LRP4: variants seen among roughly 807,000 people sequenced by gnomAD.
LRP4 encodes low-density lipoprotein receptor-related protein 4.
LRP4 carries 95 observed loss-of-function variants against 220.3 expected under a neutral mutation model. The observed-to-expected ratio is 0.43, with a 90% CI of 0.37 to 0.51. The LOEUF is 0.51. LRP4 is among the 20% of genes least tolerant of loss of function. The pLI is 0.00. For missense variants in LRP4, 1,925 were observed against 2,567.0 expected (o/e 0.75, Z 5.40); for synonymous variants, 903 against 954.6 (o/e 0.95, Z 1.00).
At chr11:46,866,125 G>A (rs1237460401) in intron 34 of LRP4, among the ~76,000 whole-genome samples, 1 of 149,688 alleles carries the variant, frequency 6.7e-6, no homozygotes, top group Non-Finnish European at 1.5e-5. Flanking sequence ...AAAGAGACCA[G>A]TATGTTGCAG....
At chr11:46,870,094 AG>A in intron 31 of LRP4, among the ~76,000 whole-genome samples, 1 of 148,696 alleles carries the variant, frequency 6.7e-6, no homozygotes, top group Non-Finnish European at 1.5e-5. Context: ...TGACAGAGCG[AG>A]ACTCCATCTC....
At chr11:46,913,146 A>G (rs1941892594) in intron 1 of LRP4, among the ~76,000 whole-genome samples, 2 of 152,168 alleles carry the variant, frequency 1.3e-5, no homozygotes, top group Non-Finnish European at 2.9e-5. Context: ...GAGCGCTAAC[A>G]GCCAGTCCGC....
chr11:46,896,398 C>G, intron 8 of LRP4, 63 bp from the exon 9 acceptor site: 2 of 1,594,514 alleles, frequency 1.3e-6, no homozygotes, highest in Non-Finnish European at 1.7e-6. Context: ...AGATGGGAGC[C>G]TGTCATTTTC....
Position 46,899,459 on chromosome 11 carries a change from T to C in LRP4, c.475A>G (p.Ser159Gly). 1 of 1,614,126 alleles carries C rather than the reference T, an allele frequency of 6.2e-7. No individual in the cohort carries two copies. The highest frequency in any genetic ancestry group is 1.1e-5 in the South Asian group (1 of 91,086). The change falls in exon 5 of 38, where the codon AGC (serine) becomes GGC (glycine). Residue 159 changes from serine to glycine, a missense_variant. Ser to Gly is a moderately conservative substitution (Grantham distance 56). This residue lies in a region of LRP4 where 412 missense variants were observed against 505.4 expected (regional missense o/e 0.82). Transcript: ENST00000378623. This position sits in a 1 kb window ranked among gnomAD's most constrained non-coding sequence, Gnocchi z 5.9. ...CAGTACCAATGCTCAGCAATGCAGCTTCCGTCACTACAGCGGAACTCCTTG... is the reference window on the plus strand; with the variant it reads ...CAGTACCAATGCTCAGCAATGCAGCCTCCGTCACTACAGCGGAACTCCTTG... ...SDKEFRCSDG[S>G]CIAEHWYCDG...
At position 46,875,339 on chromosome 11, in the gene LRP4, C is replaced by A; in HGVS notation, c.3925+117G>T. ...AGCCCAATCTGGAAGGGAGCTTAAA[C>A]AGGTCACCGTCTTTCTGGCTGTAAA... On this transcript the variant is annotated intron_variant, in intron 27 of 37. Transcript: ENST00000378623. This position sits in a 1 kb window ranked among gnomAD's most constrained non-coding sequence, Gnocchi z 4.5. 9.8e-7 allele frequency: 1 copy of A among 1,016,694 alleles called. No homozygotes were observed. Among genetic ancestry groups the A allele is most frequent in the Middle Eastern group, 3.0e-4 (1 of 3,348 alleles). 63.0% of individuals were successfully genotyped at this position (1,016,694 alleles called of 1,614,324 possible).
chr11:46,910,116 T>C (rs1163941959), intron 1 of LRP4, among the ~76,000 whole-genome samples: 1 of 152,166 alleles, frequency 6.6e-6, no homozygotes, highest in African/African-American at 2.4e-5. Flanking sequence ...GGGCACATGA[T>C]TGCGGGTCCA....
chr11:46,907,121 AC>A (rs1941774644), intron 1 of LRP4, among the ~76,000 whole-genome samples: 1 of 152,150 alleles, frequency 6.6e-6, no homozygotes, highest in Non-Finnish European at 1.5e-5. Flanking sequence ...AAAACAAATG[AC>A]TGTGGGTGGC....
chr11:46,916,879 C>A (rs1024359493), intron 1 of LRP4, among the ~76,000 whole-genome samples: 1 of 152,196 alleles, frequency 6.6e-6, no homozygotes. Context: ...TACATTCCTA[C>A]CCCAGTAGGG....
intron 20 of LRP4, among the ~76,000 whole-genome samples, chr11:46,880,317 AAAG>A (rs199857930): frequency 7.3e-5 from 11 of 151,476 alleles, no homozygotes; most frequent in African/African-American, 2.7e-4. Context: ...AAAAAAAAAA[AAAG>A]CTATGTGTGG....
chr11:46,869,949 T>C (rs1940816258), intron 31 of LRP4, among the ~76,000 whole-genome samples: 1 of 151,784 alleles, frequency 6.6e-6, no homozygotes, highest in South Asian at 2.1e-4. Flanking sequence ...CTACTAAAAA[T>C]ACAAAAATTA....
chr11:46,886,457 A>C lies in LRP4; in HGVS notation c.2292T>G (p.Asp764Glu). 1 of 1,614,144 alleles carries C rather than the reference A, an allele frequency of 6.2e-7. No homozygotes were observed. The highest frequency in any genetic ancestry group is 8.5e-7 in the Non-Finnish European group (1 of 1,180,018). ...GCACGTCAGCCAGTGGGATGACATC[A>C]TCAGACAGGTCCTCTGTGTCAAAGC... Reference protein sequence around the residue: ...RISFDTEDLSDDVIPLADVRS... With the variant: ...RISFDTEDLSEDVIPLADVRS... The change falls in exon 17 of 38, where the codon GAT becomes GAG. Residue 764 changes from aspartate to glutamate, a missense_variant. Coordinates refer to ENST00000378623, the MANE Select transcript of LRP4 (RefSeq NM_002334.4).
chr11:46,877,454 T>A, intron 22 of LRP4, 115 bp from the exon 23 acceptor site: 1 of 1,086,816 alleles, frequency 9.2e-7, no homozygotes, highest in Non-Finnish European at 1.4e-6. Context: ...TATGTTATTC[T>A]AGGCAAGTTA....
At chr11:46,868,550 G>T in intron 33 of LRP4, 50 bp downstream of exon 33, 1 of 1,338,054 alleles carries the variant, frequency 7.5e-7, no homozygotes, top group Non-Finnish European at 1.1e-6. Flanking sequence ...CTGACTCTCA[G>T]CCCTTCCAGG....
In LRP4 at chr11:46,873,608, A is replaced by G. The variant is rs376476476; in HGVS notation, c.4230-15T>C. ...GGTCTGCTCGCCTTGGGGAGAGCCC[A>G]GTGTTGGATGAGCAACCAGACTGAC... is the stretch of plus-strand genomic sequence containing the variant. On this transcript the variant is annotated splice_polypyrimidine_tract_variant and intron_variant, in intron 28 of 37. Coordinates refer to ENST00000378623, the MANE Select transcript of LRP4 (RefSeq NM_002334.4). This position sits in a 1 kb window ranked among gnomAD's most constrained non-coding sequence, Gnocchi z 4.2. 6.2e-7 allele frequency: 1 copy of G among 1,606,172 alleles called. No individual in the cohort carries two copies. Among genetic ancestry groups the G allele is most frequent in the Non-Finnish European group, 8.5e-7 (1 of 1,173,978 alleles).
Position 46,873,697 on chromosome 11 carries a change from A to C in LRP4, c.4230-104T>G. 1.2e-6 allele frequency: 1 copy of C among 850,278 alleles called. No individual in the cohort carries two copies. The highest frequency in any genetic ancestry group is 1.9e-6 in the Non-Finnish European group (1 of 534,398). 52.7% of individuals were successfully genotyped at this position (850,278 alleles called of 1,614,324 possible). A position where few individuals can be genotyped will look rare whatever the true frequency, so the allele number is the denominator to read the frequency against. ...TGGACCCCACTGAACTGTAAGCTCC[A>C]CAGGGATAGAGACCAGGTATCTATG... On this transcript the variant is annotated intron_variant, in intron 28 of 37. Transcript: ENST00000378623. The surrounding 1 kb of genome is among the most constrained non-coding windows in gnomAD (Gnocchi z 4.2).
chr11:46,896,349 G>GGAC lies in LRP4; in HGVS notation c.923-15_923-14insGTC. 1 of 1,612,868 alleles carries GGAC rather than the reference G, an allele frequency of 6.2e-7. No individual in the cohort carries two copies. ...ATTGGGGGCTTCCTAGAGAGATGGA[G>GGAC]GGTCAGGTCATAGCAAGGCAGGGCT... On this transcript the variant is annotated splice_polypyrimidine_tract_variant and intron_variant, in intron 8 of 37. Coordinates refer to ENST00000378623, the MANE Select transcript of LRP4 (RefSeq NM_002334.4).
intron 16 of LRP4, 114 bp from the exon 17 acceptor site, chr11:46,886,647 G>T: frequency 1.2e-6 from 1 of 866,984 alleles, no homozygotes. Context: ...GGGATCTGGT[G>T]CCCTTTGCCC....
At chr11:46,915,105 A>G (rs1424670677) in intron 1 of LRP4, among the ~76,000 whole-genome samples, 1 of 152,190 alleles carries the variant, frequency 6.6e-6, no homozygotes, top group Non-Finnish European at 1.5e-5. Flanking sequence ...GATATTCATC[A>G]GGGTACAGAA....
Position 46,886,699 on chromosome 11 carries a change from C to T in LRP4, c.2216-166G>A, listed in dbSNP as rs12281784. 0.15 allele frequency among the ~76,000 whole-genome samples: 22,728 copies of T among 152,186 alleles called. 2,616 individuals are homozygous for T. The highest frequency in any genetic ancestry group is 0.33 in the African/African-American group (13,547 of 41,466). On this transcript the variant is annotated intron_variant, in intron 16 of 37. Transcript: ENST00000378623. ...CAGGCTTCTTTTAAGCACTGCCATG[C>T]TAGCAGAATCAGACTTCTAAATCAA... is the stretch of plus-strand genomic sequence containing the variant.
Sources: gnomAD v4.1 joint callset for allele counts (sites outside exome capture counted in the v4.1 genomes callset) on GRCh38, gnomAD v4.1.1 for gene constraint, gnomAD v4.1.1 regional missense constraint, Gnocchi (gnomAD v3.1) non-coding constraint, MANE v1.5 for transcripts, NCBI Gene and HGNC (gene_info 2026-07-23, HGNC 2026-07-21) for gene names.